LHFPL3: variants seen among roughly 807,000 people sequenced by gnomAD.
LHFPL3 encodes the protein LHFPL tetraspan subfamily member 3.
LHFPL3 carries 5 observed loss-of-function variants against 19.3 expected under a neutral mutation model. The observed-to-expected ratio is 0.26, with a 90% CI of 0.14 to 0.54. The LOEUF (loss-of-function observed/expected upper bound fraction) is 0.54, where lower values mean the gene tolerates loss of function less well. Ranked by LOEUF, LHFPL3 falls within the 20% of genes least tolerant of loss-of-function variation. LHFPL3 has a pLI of 0.94. For synonymous variants in LHFPL3, 133 were observed against 126.2 expected (o/e 1.05, Z -0.36); for missense variants, 249 against 307.4 (o/e 0.81, Z 1.42).
chr7:104,409,031 A>AT (rs11336631), intron 1 of LHFPL3, among the ~76,000 whole-genome samples: 2,328 of 128,622 alleles, frequency 0.018, 35 homozygotes, highest in Middle Eastern at 0.035. Context: ...CGCCCGGCTA[A>AT]TTTTTTTTTT....
At chr7:104,394,058 A>C (rs1791133371) in intron 1 of LHFPL3, among the ~76,000 whole-genome samples, 1 of 152,222 alleles carries the variant, frequency 6.6e-6, no homozygotes, top group African/African-American at 2.4e-5. Flanking sequence ...ATACTAAAAA[A>C]TGTTAATTTG....
intron 2 of LHFPL3, among the ~76,000 whole-genome samples, chr7:104,893,054 T>A (rs548060916): frequency 6.7e-6 from 1 of 150,324 alleles, no homozygotes; most frequent in African/African-American, 2.5e-5. Flanking sequence ...GAAAAAAAAA[T>A]GTTTTTAATT....
intron 2 of LHFPL3, among the ~76,000 whole-genome samples, chr7:104,903,043 G>A (rs919333387): frequency 2.0e-5 from 3 of 152,234 alleles, no homozygotes; most frequent in Admixed American, 2.0e-4. Flanking sequence ...CCTGCCGGAG[G>A]CTTCCTTCTC....
intron 1 of LHFPL3, among the ~76,000 whole-genome samples, chr7:104,423,570 A>G (rs1423855358): frequency 6.6e-6 from 1 of 152,190 alleles, no homozygotes; most frequent in Non-Finnish European, 1.5e-5. Context: ...TTGAGGTGGG[A>G]GGATCACTTG....
At chr7:104,491,250 A>T (rs1793344167) in intron 1 of LHFPL3, among the ~76,000 whole-genome samples, 1 of 152,092 alleles carries the variant, frequency 6.6e-6, no homozygotes, top group African/African-American at 2.4e-5. Flanking sequence ...TTCCCTACAG[A>T]ATACACAACT....
intron 1 of LHFPL3, among the ~76,000 whole-genome samples, chr7:104,505,846 C>G (rs1312540782): frequency 6.6e-6 from 1 of 152,136 alleles, no homozygotes; most frequent in Non-Finnish European, 1.5e-5. Flanking sequence ...AGTTACTCTT[C>G]TCCATTTTCC....
chr7:104,617,401 A>G (rs547877971), intron 1 of LHFPL3, among the ~76,000 whole-genome samples: 22 of 152,204 alleles, frequency 1.4e-4, no homozygotes, highest in Non-Finnish European at 2.8e-4. Context: ...TACCCTGTAA[A>G]GACAACAAAA....
chr7:104,877,004 T>C (rs1791958174), intron 2 of LHFPL3, among the ~76,000 whole-genome samples: 1 of 152,150 alleles, frequency 6.6e-6, no homozygotes, highest in Non-Finnish European at 1.5e-5. Context: ...GAAACCATCA[T>C]TCTCAGCAAA....
intron 1 of LHFPL3, among the ~76,000 whole-genome samples, chr7:104,461,197 T>A (rs150548313): frequency 3.3e-5 from 5 of 152,292 alleles, no homozygotes; most frequent in African/African-American, 1.2e-4. Context: ...GGAAGCCCCG[T>A]ATAAAACCAT....
At chr7:104,838,139 G>T (rs533256024) in intron 2 of LHFPL3, among the ~76,000 whole-genome samples, 11 of 152,166 alleles carry the variant, frequency 7.2e-5, no homozygotes, top group African/African-American at 2.4e-4. Context: ...CCATCCTTTT[G>T]GTTCTCAACT....
At chr7:104,738,243 A>T (rs1321917361) in intron 2 of LHFPL3, among the ~76,000 whole-genome samples, 1 of 152,200 alleles carries the variant, frequency 6.6e-6, no homozygotes, top group African/African-American at 2.4e-5. Context: ...AAAGGATGAT[A>T]TGAAGATAAT....
At chr7:104,848,173 G>A (rs1212607235) in intron 2 of LHFPL3, among the ~76,000 whole-genome samples, 1 of 152,132 alleles carries the variant, frequency 6.6e-6, no homozygotes, top group Non-Finnish European at 1.5e-5. Flanking sequence ...TGGCTGGAAG[G>A]GTTGTACAAG....
chr7:104,574,117 A>G (rs1384276556), intron 1 of LHFPL3, among the ~76,000 whole-genome samples: 1 of 152,242 alleles, frequency 6.6e-6, no homozygotes, highest in Non-Finnish European at 1.5e-5. Context: ...CAAAATTAAC[A>G]AATTATAGAA....
intron 1 of LHFPL3, among the ~76,000 whole-genome samples, chr7:104,633,148 C>T (rs1324150275): frequency 3.3e-5 from 5 of 152,142 alleles, no homozygotes; most frequent in South Asian, 2.1e-4. Context: ...ATCTTTCCAA[C>T]CCTGGCTAAG....
chr7:104,864,260 G>C (rs1294940631), intron 2 of LHFPL3, among the ~76,000 whole-genome samples: 1 of 152,170 alleles, frequency 6.6e-6, no homozygotes, highest in Non-Finnish European at 1.5e-5. Context: ...GTGTTGGAAA[G>C]TGGGTGCAGG....
At chr7:104,655,356 A>G (rs1317696351) in intron 1 of LHFPL3, among the ~76,000 whole-genome samples, 2 of 152,218 alleles carry the variant, frequency 1.3e-5, no homozygotes, top group African/African-American at 4.8e-5. Context: ...GTAGGCAGGT[A>G]TCTGGGTTTA....
At chr7:104,437,174 C>T (rs1226279036) in intron 1 of LHFPL3, among the ~76,000 whole-genome samples, 1 of 152,208 alleles carries the variant, frequency 6.6e-6, no homozygotes, top group African/African-American at 2.4e-5. Flanking sequence ...AAAACTTTCT[C>T]AACTTCTGTA....
intron 1 of LHFPL3, among the ~76,000 whole-genome samples, chr7:104,371,907 C>A (rs1024183951): frequency 2.0e-5 from 3 of 152,212 alleles, no homozygotes; most frequent in Non-Finnish European, 4.4e-5. Flanking sequence ...TTTATTCACA[C>A]CAAAGTCTGG....
At chr7:104,781,340 C>A (rs1794712158) in intron 2 of LHFPL3, among the ~76,000 whole-genome samples, 1 of 152,170 alleles carries the variant, frequency 6.6e-6, no homozygotes, top group South Asian at 2.1e-4. Context: ...GGCTGCTACA[C>A]ATTTACATAT....
Sources: gnomAD v4.1 joint callset for allele counts (sites outside exome capture counted in the v4.1 genomes callset) on GRCh38, gnomAD v4.1.1 for gene constraint, MANE v1.5 for transcripts, NCBI Gene and HGNC (gene_info 2026-07-23, HGNC 2026-07-21) for gene names.